The following COL19A1 variants were observed in gnomAD, a reference collection of about 807,000 sequenced individuals.
The protein encoded by COL19A1 is collagen alpha-1(XIX) chain.
Under a neutral mutation model 190.2 loss-of-function variants are expected in COL19A1, and 159 were observed. The ratio of observed to expected loss-of-function variants is 0.84; its 90% confidence interval spans 0.73 to 0.95. The LOEUF (loss-of-function observed/expected upper bound fraction) is 0.95, where lower values mean the gene tolerates loss of function less well. Ranked by LOEUF, COL19A1 falls within the 40% of genes least tolerant of loss-of-function variation. The pLI is 0.00. For synonymous variants in COL19A1, 509 were observed against 458.9 expected, an observed-to-expected ratio of 1.11 and a Z score of -1.39; for missense variants, 1,418 against 1,431.9, an observed-to-expected ratio of 0.99 and a Z score of 0.16.
intron 4 of COL19A1, among the ~76,000 whole-genome samples, chr6:69,915,640 A>G (rs1282682176): frequency 1.3e-5 from 2 of 152,202 alleles, no homozygotes; most frequent in Non-Finnish European, 2.9e-5. Flanking sequence ...CAGGAAAACC[A>G]TAATGTAGGA....
chr6:70,142,433 A>C (rs772298494), intron 22 of COL19A1, among the ~76,000 whole-genome samples: 1 of 152,190 alleles, frequency 6.6e-6, no homozygotes, highest in Admixed American at 6.5e-5. Context: ...GAGTTGCTTG[A>C]GTTTCCCAAG....
At position 70,168,306 on chromosome 6, in the gene COL19A1, C is replaced by T. The variant is rs2296009; in HGVS notation, c.2541+91C>T. The T allele has an allele frequency of 0.027, 37,178 of 1,378,642 alleles. 1,104 individuals are homozygous for T. The highest frequency in any genetic ancestry group is 0.1 in the African/African-American group (7,072 of 69,006). The allele number at this position is 1,378,642 out of a possible 1,614,324, so 85.4% of individuals were successfully genotyped here. On this transcript the variant is annotated intron_variant, in intron 39 of 50. Transcript: ENST00000620364. ...AAAACCTCTTAAGTTCACTGAAAAA[C>T]GCATGTTATGAATACAGCCAAATTT... is the stretch of plus-strand genomic sequence containing the variant.
intron 47 of COL19A1, among the ~76,000 whole-genome samples, chr6:70,189,629 A>G (rs1183528055): frequency 1.3e-5 from 2 of 152,254 alleles, no homozygotes; most frequent in Admixed American, 6.5e-5. Flanking sequence ...CATTACTGTT[A>G]TAAATGTTAA....
At chr6:70,088,571 C>T (rs767271815) in intron 15 of COL19A1, among the ~76,000 whole-genome samples, 3 of 152,106 alleles carry the variant, frequency 2.0e-5, no homozygotes, top group Non-Finnish European at 2.9e-5. Flanking sequence ...TCCAATCATC[C>T]AAAGCCACTA....
intron 17 of COL19A1, among the ~76,000 whole-genome samples, chr6:70,126,148 G>T (rs1367525130): frequency 7.9e-6 from 1 of 126,424 alleles, no homozygotes; most frequent in African/African-American, 3.1e-5. Flanking sequence ...CCAAATTATT[G>T]ATCCAAAAAA....
intron 14 of COL19A1, among the ~76,000 whole-genome samples, chr6:70,055,545 GC>G (rs1780447518): frequency 6.6e-6 from 1 of 151,990 alleles, no homozygotes; most frequent in Admixed American, 6.6e-5. Context: ...ACCTTGGGGG[GC>G]TGAGGTGGGT....
At position 70,144,265 on chromosome 6, in the gene COL19A1, T is replaced by G; in HGVS notation, c.1680+2T>G. 1 of 1,611,310 alleles carries G rather than the reference T, an allele frequency of 6.2e-7. No individual in the cohort carries two copies. On this transcript the variant is annotated splice_donor_variant, in intron 24 of 50. Coordinates refer to ENST00000620364, the MANE Select transcript of COL19A1 (RefSeq NM_001858.6). LOFTEE classifies it high-confidence loss of function. ...AAACAAGGCATTAAAGGAGAAAAGG[T>G]ATAGTTTACATTTTCCTCATTTTAT...
chr6:70,078,499 C>G (rs532966171), intron 15 of COL19A1, among the ~76,000 whole-genome samples: 1 of 152,154 alleles, frequency 6.6e-6, no homozygotes, highest in African/African-American at 2.4e-5. Flanking sequence ...AAGCAAGGGG[C>G]GAGGCTTGCC....
At chr6:69,939,418 G>A (rs561682357) in intron 9 of COL19A1, among the ~76,000 whole-genome samples, 1 of 152,120 alleles carries the variant, frequency 6.6e-6, no homozygotes, top group African/African-American at 2.4e-5. Flanking sequence ...ATTAGTATTA[G>A]CATTTTACAG....
intron 11 of COL19A1, among the ~76,000 whole-genome samples, chr6:69,987,175 A>G (rs1263763009): frequency 6.6e-6 from 1 of 152,126 alleles, no homozygotes; most frequent in Admixed American, 6.6e-5. Context: ...ATGATAACTG[A>G]CTCTTATCTG....
At chr6:70,132,052 TA>T (rs1231402379) in intron 18 of COL19A1, among the ~76,000 whole-genome samples, 1 of 152,060 alleles carries the variant, frequency 6.6e-6, no homozygotes, top group African/African-American at 2.4e-5. Context: ...AAGAGACACA[TA>T]AAAAAACTTT....
intron 49 of COL19A1, among the ~76,000 whole-genome samples, chr6:70,203,141 T>C (rs1474144481): frequency 6.6e-6 from 1 of 152,202 alleles, no homozygotes; most frequent in East Asian, 1.9e-4. Flanking sequence ...CGAGTGAGTT[T>C]TATGAGAAAA....
intron 6 of COL19A1, among the ~76,000 whole-genome samples, chr6:69,932,228 G>A (rs556055918): frequency 6.6e-5 from 10 of 152,078 alleles, no homozygotes; most frequent in Admixed American, 5.2e-4. Context: ...TAAAAAGGTT[G>A]TTAGCCCTGC....
intron 11 of COL19A1, among the ~76,000 whole-genome samples, chr6:69,963,895 A>G (rs1774941840): frequency 6.6e-6 from 1 of 152,264 alleles, no homozygotes; most frequent in African/African-American, 2.4e-5. Context: ...TATTGAAAGT[A>G]CAGAGAATAG....
At chr6:69,972,715 C>A (rs1775501342) in intron 11 of COL19A1, among the ~76,000 whole-genome samples, 1 of 152,076 alleles carries the variant, frequency 6.6e-6, no homozygotes, top group Admixed American at 6.5e-5. Context: ...TAATAGTATG[C>A]TAAAATTTAC....
chr6:69,920,391 A>G (rs932234014), intron 4 of COL19A1, among the ~76,000 whole-genome samples: 1 of 152,184 alleles, frequency 6.6e-6, no homozygotes. Flanking sequence ...CAGAGAGCAG[A>G]TGCAAGCTAC....
In COL19A1 at chr6:69,932,815, T is replaced by C; in HGVS notation, c.699T>C (p.Ser233=). 1.2e-6 allele frequency: 2 copies of C among 1,609,144 alleles called. No individual in the cohort carries two copies. Among genetic ancestry groups the C allele is most frequent in the East Asian group, 4.5e-5 (2 of 44,698 alleles). ...TTCACCAACTTAAAATCTACTGCAG[T>C]GCAAACCTCATAGCTCAAGAAACAT... ...IELHQLKIYC[S]ANLIAQETCC... Residue 233 remains serine (S), a synonymous_variant, in exon 7 of 51, where the codon AGT becomes AGC. Coordinates refer to ENST00000620364, the MANE Select transcript of COL19A1 (RefSeq NM_001858.6).
At chr6:70,002,436 G>C (rs1369959303) in intron 11 of COL19A1, among the ~76,000 whole-genome samples, 2 of 151,908 alleles carry the variant, frequency 1.3e-5, no homozygotes, top group African/African-American at 4.8e-5. Context: ...AATGGTACCA[G>C]CTCCTCCTTA....
chr6:70,124,322 ATTAC>A (rs1785066994), intron 17 of COL19A1, among the ~76,000 whole-genome samples: 1 of 152,140 alleles, frequency 6.6e-6, no homozygotes, highest in South Asian at 2.1e-4. Flanking sequence ...AACACACTAT[ATTAC>A]TATCGCCCTT....
Sources: allele counts gnomAD v4.1 joint callset (sites outside exome capture counted in the v4.1 genomes callset), GRCh38; gene constraint gnomAD v4.1.1; transcripts MANE v1.5; gene names NCBI Gene and HGNC (gene_info 2026-07-23, HGNC 2026-07-21).